Variants in CLUH observed in about 807,000 individuals in gnomAD.
CLUH encodes the protein CLUH binding protein of NUMT mRNA.
In CLUH, 77 loss-of-function variants were observed where a neutral mutation model predicts 139.3. The observed-to-expected ratio is 0.55, with a 90% confidence interval of 0.46 to 0.67. The LOEUF is 0.67. Ranked by LOEUF, CLUH falls within the 30% of genes least tolerant of loss-of-function variation. CLUH has a pLI of 0.00. For synonymous variants in CLUH, 999 were observed against 801.6 expected, an observed-to-expected ratio of 1.25 and a Z score of -4.16; for missense variants, 1,876 against 1,875.8, an observed-to-expected ratio of 1.00 and a Z score of 0.00.
At chr17:2,696,651 G>A (rs2069958004) in intron 11 of CLUH, 68 bp downstream of exon 11, 2 of 1,574,820 alleles carry the variant, frequency 1.3e-6, no homozygotes, top group East Asian at 4.6e-5. Context: ...CCTCTCCCAG[G>A]TGGGGGTCAT....
intron 21 of CLUH, 21 bp downstream of exon 21, chr17:2,692,550 C>T (rs779053743): frequency 1.3e-6 from 2 of 1,593,346 alleles, no homozygotes; most frequent in Admixed American, 1.7e-5. Flanking sequence ...GTCCCTGCCG[C>T]CCCCCCGCCC....
In CLUH at chr17:2,698,225, G is replaced by A. The variant is rs374332433; in HGVS notation, c.1632C>T (p.Asp544=). 8 of 1,590,638 alleles carry A rather than the reference G, an allele frequency of 5.0e-6. No homozygotes were observed. The African/African-American group carries it at 8.1e-5, about 16-fold the overall frequency. ...QEQSVIYGSI[D]FGKTVVSHPR... ...GGTGTGACACCACGGTCTTGCCGAA[G>A]TCGATGGAGCCGTAGATGACGCTCT... Residue 544 remains aspartate, a synonymous_variant, in exon 10 of 26, where the codon GAC becomes GAT. Coordinates refer to ENST00000651024, the MANE Select transcript of CLUH (RefSeq NM_001366661.1).
In CLUH at chr17:2,701,452, G is replaced by A. The variant is rs529857879; in HGVS notation, c.813C>T (p.His271=). ...TCACAAACAGGTACATGAGGTCCCCGTGCATCTTCCGGTTCCCCGGGGGCG... is the reference window on the plus strand; with the variant it reads ...TCACAAACAGGTACATGAGGTCCCCATGCATCTTCCGGTTCCCCGGGGGCG... The part of the protein sequence containing the change: ...WNPPPGNRKM[H]GDLMYLFVIT... The change falls in exon 6 of 26, where the codon CAC becomes CAT. Residue 271 remains histidine (H), a synonymous_variant. Coordinates refer to ENST00000651024, the MANE Select transcript of CLUH (RefSeq NM_001366661.1). The A allele has an allele frequency of 1.5e-5, 24 of 1,613,646 alleles. No homozygotes were observed. Among genetic ancestry groups the A allele is most frequent in the South Asian group, 9.9e-5 (9 of 90,998 alleles).
At position 2,698,610 on chromosome 17, in the gene CLUH, G is replaced by A. The variant is rs2070061941; in HGVS notation, c.1267-20C>T. The A allele has an allele frequency of 6.4e-7, 1 of 1,564,892 alleles. No individual in the cohort carries two copies. Among genetic ancestry groups the A allele is most frequent in the Non-Finnish European group, 8.7e-7 (1 of 1,154,234 alleles). ...GTGCACCTGGCGGGGGTCGAGGAGG[G>A]CAGGGTTAGAGGCCGCGCCCACAAG... On this transcript the variant is annotated intron_variant, in intron 9 of 25. Coordinates refer to ENST00000651024, the MANE Select transcript of CLUH (RefSeq NM_001366661.1).
intron 3 of CLUH, among the ~76,000 whole-genome samples, chr17:2,702,824 T>G (rs1038036495): frequency 6.6e-6 from 1 of 151,664 alleles, no homozygotes; most frequent in Non-Finnish European, 1.5e-5. Context: ...TCTGTTCTTT[T>G]GTTTTGTTTT....
At position 2,706,549 on chromosome 17, in the gene CLUH, G is replaced by A. The variant is rs1006798271; in HGVS notation, c.101-1985C>T. 2.6e-5 allele frequency among the ~76,000 whole-genome samples: 4 copies of A among 152,114 alleles called. No individual in the cohort carries two copies. The highest frequency in any genetic ancestry group is 9.7e-5 in the African/African-American group (4 of 41,412). On this transcript the variant is annotated intron_variant, in intron 1 of 25. Coordinates refer to ENST00000651024, the MANE Select transcript of CLUH (RefSeq NM_001366661.1). The surrounding 1 kb of genome is among the most constrained non-coding windows in gnomAD (Gnocchi z 4.6). ...TGCAGTGGACTCCCAGGAACCACGAGGATGTACAAAGACCTCCCTTCCAGG... is the reference window on the plus strand; with the variant it reads ...TGCAGTGGACTCCCAGGAACCACGAAGATGTACAAAGACCTCCCTTCCAGG...
Position 2,702,026 on chromosome 17 carries a change from G to A in CLUH, c.507C>T (p.His169=), listed in dbSNP as rs761600254. 9.3e-6 allele frequency: 15 copies of A among 1,613,760 alleles called. No individual in the cohort carries two copies. The highest frequency in any genetic ancestry group is 1.6e-4 in the Middle Eastern group (1 of 6,084). Residue 169 remains histidine (H), a synonymous_variant, in exon 4 of 26, where the codon CAC becomes CAT. Coordinates refer to ENST00000651024, the MANE Select transcript of CLUH (RefSeq NM_001366661.1). Reference sequence around the variant, plus strand: ...TGAGCAGGTCTCGGACATGGCGCACGTGGATGCGGGCCTCACGCACCGTGT... The same window carrying A: ...TGAGCAGGTCTCGGACATGGCGCACATGGATGCGGGCCTCACGCACCGTGT... ...EPYTVREARI[H]VRHVRDLLKS...
At chr17:2,695,553 C>A in intron 13 of CLUH, 27 bp from the exon 14 acceptor site, 1 of 1,561,378 alleles carries the variant, frequency 6.4e-7, no homozygotes. Context: ...CTCAGGCCCC[C>A]ACCCAGCTCC....
chr17:2,701,308 G>C (rs1208015190), intron 6 of CLUH, 43 bp from the exon 7 acceptor site: 8 of 1,607,356 alleles, frequency 5.0e-6, no homozygotes, highest in Middle Eastern at 1.6e-4. Context: ...CCAGGTGTCT[G>C]CCCAGACCCA....
intron 25 of CLUH, among the ~76,000 whole-genome samples, chr17:2,691,362 G>A (rs1283381837): frequency 6.6e-6 from 1 of 152,154 alleles, no homozygotes; most frequent in African/African-American, 2.4e-5. Flanking sequence ...AAGAGTTCGA[G>A]ACCAGCCTGG....
Position 2,690,668 on chromosome 17 carries a change from G to A in CLUH, c.3973C>T (p.Pro1325Ser). The A allele has an allele frequency of 6.4e-7, 1 of 1,551,424 alleles. No individual in the cohort carries two copies. Among genetic ancestry groups the A allele is most frequent in the Non-Finnish European group, 8.7e-7 (1 of 1,155,826 alleles). ...CCCAGGTCTCCTGGGGCCCCCGCTG[G>A]CGCGGGCTCGGTAGCCATGGGCTCC... ...AEEPMATEPA[P>S]AGAPGDLGSQ... Residue 1325 changes from proline to serine, a missense_variant, in exon 26 of 26, where the codon CCA becomes TCA. Physicochemically the swap from Pro to Ser is moderately conservative, Grantham distance 74. Transcript: ENST00000651024.
Position 2,692,764 on chromosome 17 carries a change from G to A in CLUH, c.3312+16C>T, listed in dbSNP as rs779255901. 2.6e-5 allele frequency: 42 copies of A among 1,599,050 alleles called. No homozygotes were observed. Among genetic ancestry groups the A allele is most frequent in the East Asian group, 4.5e-5 (2 of 44,500 alleles). ...GCCCCTCGCATCCCCCGGCGCGGGC[G>A]GCACTCGCGACTCACGTATTCCTGG... On this transcript the variant is annotated intron_variant, in intron 20 of 25. Coordinates refer to ENST00000651024, the MANE Select transcript of CLUH (RefSeq NM_001366661.1).
In CLUH at chr17:2,703,346, C is replaced by T; in HGVS notation, c.447G>A (p.Gln149=). Residue 149 remains glutamine, a synonymous_variant, in exon 3 of 26, where the codon CAG becomes CAA. Transcript: ENST00000651024. The surrounding 1 kb of genome is among the most constrained non-coding windows in gnomAD (Gnocchi z 4.2). ...FSELRSVEGL[Q]EGSVLRVVEE... Reference sequence around the variant, plus strand: ...CCACCACACGCAGCACAGAGCCCTCCTGCAGCCCCTCGACGCTGCGCAGCT... The same window carrying T: ...CCACCACACGCAGCACAGAGCCCTCTTGCAGCCCCTCGACGCTGCGCAGCT... 1.9e-6 allele frequency: 3 copies of T among 1,612,594 alleles called. No individual in the cohort carries two copies. The highest frequency in any genetic ancestry group is 2.5e-6 in the Non-Finnish European group (3 of 1,179,456).
chr17:2,690,529 C>A lies in CLUH; in HGVS notation c.*65G>T. On this transcript the variant is annotated 3_prime_UTR_variant, in exon 26 of 26. Transcript: ENST00000651024. The stretch of plus-strand genomic sequence containing the variant: ...TCCTCTTCCGCCCGCAGGCTCGCCC[C>A]CTTCTCCCGCAGTCGGGCTCCCTGG... 1 of 1,343,716 alleles carries A rather than the reference C, an allele frequency of 7.4e-7. No individual in the cohort carries two copies. Among genetic ancestry groups the A allele is most frequent in the East Asian group, 3.0e-5 (1 of 33,752 alleles). 83.2% of individuals were successfully genotyped at this position (1,343,716 alleles called of 1,614,324 possible).
At position 2,697,015 on chromosome 17, in the gene CLUH, G is replaced by A. The variant is rs563675988; in HGVS notation, c.1962-73C>T. On this transcript the variant is annotated intron_variant, in intron 10 of 25. Transcript: ENST00000651024. ...GGAGCTCTGCTGGCCCACGGCTCCCGGCAGCTGGGGCTCCACACCCCGCAG... is the reference window on the plus strand; with the variant it reads ...GGAGCTCTGCTGGCCCACGGCTCCCAGCAGCTGGGGCTCCACACCCCGCAG... The A allele has an allele frequency of 5.2e-5, 62 of 1,197,850 alleles. No individual in the cohort carries two copies. In the African/African-American group the frequency reaches 7.1e-4, roughly 14 times the overall value. The allele number at this position is 1,197,850 out of a possible 1,614,324, so 74.2% of individuals were successfully genotyped here.
chr17:2,707,415 T>C lies in CLUH; in HGVS notation c.101-2851A>G, dbSNP rs1184978027. 2.0e-6 allele frequency: 2 copies of C among 985,360 alleles called. No individual in the cohort carries two copies. The highest frequency in any genetic ancestry group is 5.2e-4 in the Middle Eastern group (1 of 1,914). The allele number at this position is 985,360 out of a possible 1,614,324, so 61.0% of individuals were successfully genotyped here. On this transcript the variant is annotated intron_variant, in intron 1 of 25. Transcript: ENST00000651024. This position sits in a 1 kb window ranked among gnomAD's most constrained non-coding sequence, Gnocchi z 7.4. ...AAGGGCACACTCCCCCTGCCTGGCA[T>C]CCCGCTCAAGGTCGGCCAGAAGGAC...
In CLUH at chr17:2,704,613, G is replaced by C; in HGVS notation, c.101-49C>G. 6.7e-7 allele frequency: 1 copy of C among 1,490,098 alleles called. No individual in the cohort carries two copies. The highest frequency in any genetic ancestry group is 9.0e-7 in the Non-Finnish European group (1 of 1,113,700). The allele number at this position is 1,490,098 out of a possible 1,614,324, so 92.3% of individuals were successfully genotyped here. A position where few individuals can be genotyped will look rare whatever the true frequency, so the allele number is the denominator to read the frequency against. On this transcript the variant is annotated intron_variant, in intron 1 of 25. Transcript: ENST00000651024. This position sits in a 1 kb window ranked among gnomAD's most constrained non-coding sequence, Gnocchi z 5.7. ...GAATCAGGCAGCCTCGCTGGTCGGC[G>C]GGGCTGTCCGCCTGACCCCACACGG...
rs1207718244 is a variant in CLUH at position 2,694,217 on chromosome 17, G to A, written c.2997C>T (p.Asp999=). ...SRHKPAFTEE[D]VLNIFPVVKH... ...TGACCACGGGGAAGATGTTGAGCAC[G>A]TCCTCCTCGGTGAACGCGGGCTTGT... is the stretch of plus-strand genomic sequence containing the variant. Residue 999 remains aspartate (D), a synonymous_variant, in exon 18 of 26, where the codon GAC becomes GAT. Coordinates refer to ENST00000651024, the MANE Select transcript of CLUH (RefSeq NM_001366661.1). 5.6e-6 allele frequency: 9 copies of A among 1,613,006 alleles called. No homozygotes were observed. Among genetic ancestry groups the A allele is most frequent in the East Asian group, 2.2e-5 (1 of 44,868 alleles).
At chr17:2,691,368 C>T (rs978789239) in intron 25 of CLUH, among the ~76,000 whole-genome samples, 1 of 152,090 alleles carries the variant, frequency 6.6e-6, no homozygotes. Flanking sequence ...TCGAGACCAG[C>T]CTGGTCAACG....
Sources: allele counts gnomAD v4.1 joint callset (sites outside exome capture counted in the v4.1 genomes callset), GRCh38; gene constraint gnomAD v4.1.1; non-coding constraint Gnocchi (gnomAD v3.1); transcripts MANE v1.5; gene names NCBI Gene and HGNC (gene_info 2026-07-23, HGNC 2026-07-21).